Variants in HTR4 observed in about 807,000 individuals in gnomAD.
HTR4 encodes the protein 5-hydroxytryptamine receptor 4.
In HTR4, 16 loss-of-function variants were observed where a neutral mutation model predicts 36.8. That is an observed-to-expected ratio of 0.43 (90% CI 0.29 to 0.66). The LOEUF is 0.66. Among genes scored for constraint, HTR4 ranks in the 30% least tolerant of loss-of-function variants. The pLI, the probability that HTR4 is intolerant of heterozygous loss-of-function variation, is 0.13. For missense variants in HTR4, 438 were observed against 490.9 expected, an observed-to-expected ratio of 0.89 and a Z score of 1.02; for synonymous variants, 189 against 185.1, an observed-to-expected ratio of 1.02 and a Z score of -0.17.
chr5:148,497,719 A>C (rs1756751923), intron 6 of HTR4, among the ~76,000 whole-genome samples: 2 of 152,244 alleles, frequency 1.3e-5, no homozygotes, highest in South Asian at 4.1e-4. Context: ...GGATGAGACA[A>C]GGACAAAGAG....
intron 5 of HTR4, among the ~76,000 whole-genome samples, chr5:148,466,904 G>A (rs1427046996): frequency 6.6e-6 from 1 of 152,070 alleles, no homozygotes; most frequent in East Asian, 1.9e-4. Context: ...AACTAACAAA[G>A]CTCTCTTAGT....
At chr5:148,568,675 C>T (rs1176055538) in intron 2 of HTR4, among the ~76,000 whole-genome samples, 1 of 152,108 alleles carries the variant, frequency 6.6e-6, no homozygotes, top group African/African-American at 2.4e-5. Context: ...TTTGAATTGA[C>T]AAGGGTGTGC....
chr5:148,566,602 G>A (rs572485250), intron 2 of HTR4, among the ~76,000 whole-genome samples: 45 of 152,250 alleles, frequency 3.0e-4, no homozygotes, highest in Admixed American at 7.9e-4. Context: ...GGAGCTCACA[G>A]AAAAGTTAAC....
chr5:148,540,771 G>T (rs892996519), intron 4 of HTR4, among the ~76,000 whole-genome samples: 4 of 152,010 alleles, frequency 2.6e-5, no homozygotes, highest in African/African-American at 7.3e-5. Flanking sequence ...GACAAGAGCA[G>T]AGGTGCAAGT....
intron 6 of HTR4, among the ~76,000 whole-genome samples, chr5:148,489,236 A>G (rs919050084): frequency 1.3e-5 from 2 of 152,232 alleles, no homozygotes; most frequent in Non-Finnish European, 2.9e-5. Flanking sequence ...CAATAATCCT[A>G]TCACATGGGT....
intron 5 of HTR4, among the ~76,000 whole-genome samples, chr5:148,458,579 T>C (rs575043818): frequency 6.6e-6 from 1 of 152,250 alleles, no homozygotes; most frequent in African/African-American, 2.4e-5. Flanking sequence ...GTCAGGGTTC[T>C]GTCACTGAGG....
downstream of HTR4, among the ~76,000 whole-genome samples, chr5:148,474,937 T>G (rs1755659688): frequency 6.6e-6 from 1 of 152,028 alleles, no homozygotes; most frequent in African/African-American, 2.4e-5. Context: ...TCCCAGCTAC[T>G]CGGGAGGCTG....
intron 6 of HTR4, chr5:148,484,480 T>G: frequency 8.6e-7 from 1 of 1,156,718 alleles, no homozygotes. Context: ...GCTTTAGTGT[T>G]TCTTGAAAAA....
At chr5:148,459,663 G>A (rs1755215400) in intron 5 of HTR4, among the ~76,000 whole-genome samples, 1 of 151,934 alleles carries the variant, frequency 6.6e-6, no homozygotes, top group Non-Finnish European at 1.5e-5. Flanking sequence ...TAGTGTGCCT[G>A]TTTACTAAAG....
Position 148,572,423 on chromosome 5 carries a change from C to T in HTR4, c.27-22161G>A, listed in dbSNP as rs552366546. On this transcript the variant is annotated intron_variant, in intron 2 of 6. Coordinates refer to ENST00000377888, the MANE Select transcript of HTR4 (RefSeq NM_000870.7). The stretch of plus-strand genomic sequence containing the variant: ...ATAGTCCAGAACAGGATATCTTAAT[C>T]CCTATGATAGACAAATGTAATAATA... 7.2e-5 allele frequency among the ~76,000 whole-genome samples: 11 copies of T among 152,134 alleles called. No individual in the cohort carries two copies. In the South Asian group the frequency reaches 1.7e-3, roughly 23 times the overall value.
At chr5:148,502,194 G>T (rs1339790342) in intron 6 of HTR4, among the ~76,000 whole-genome samples, 1 of 152,302 alleles carries the variant, frequency 6.6e-6, no homozygotes, top group Non-Finnish European at 1.5e-5. Flanking sequence ...TGGACAGACT[G>T]CCTCCTCAAG....
At chr5:148,597,519 CT>C (rs1329335023) in intron 2 of HTR4, among the ~76,000 whole-genome samples, 1 of 152,148 alleles carries the variant, frequency 6.6e-6, no homozygotes, top group Admixed American at 6.5e-5. Flanking sequence ...CTCCTTACCT[CT>C]TACCACTGTG....
chr5:148,572,240 T>C (rs1189592079), intron 2 of HTR4, among the ~76,000 whole-genome samples: 3 of 152,102 alleles, frequency 2.0e-5, no homozygotes, highest in Non-Finnish European at 4.4e-5. Context: ...AGTGCTACTA[T>C]ATGCCAGAAA....
At chr5:148,536,236 G>C (rs1758819147) in intron 4 of HTR4, among the ~76,000 whole-genome samples, 1 of 152,028 alleles carries the variant, frequency 6.6e-6, no homozygotes, top group Admixed American at 6.6e-5. Flanking sequence ...CTTGAAAGGA[G>C]CACTAAATAT....
chr5:148,459,879 C>T (rs1363659170), intron 5 of HTR4, among the ~76,000 whole-genome samples: 3 of 152,010 alleles, frequency 2.0e-5, no homozygotes, highest in African/African-American at 7.2e-5. Flanking sequence ...GATTAATATG[C>T]TAAGGGTCTA....
At chr5:148,454,725 G>A (rs1191528645) in intron 5 of HTR4, among the ~76,000 whole-genome samples, 1 of 152,166 alleles carries the variant, frequency 6.6e-6, no homozygotes, top group Non-Finnish European at 1.5e-5. Flanking sequence ...TGCTCTGCAG[G>A]CCAGGCAAGG....
At chr5:148,502,417 A>T (rs983128086) in intron 6 of HTR4, among the ~76,000 whole-genome samples, 4 of 152,234 alleles carry the variant, frequency 2.6e-5, no homozygotes, top group Non-Finnish European at 4.4e-5. Context: ...GCAAACTCCA[A>T]CAGACCAGCA....
chr5:148,632,298 G>A (rs576846580), intron 2 of HTR4, among the ~76,000 whole-genome samples: 1 of 152,200 alleles, frequency 6.6e-6, no homozygotes, highest in Admixed American at 6.5e-5. Context: ...CTAGCAAAGG[G>A]CGGAAAATGC....
intron 2 of HTR4, among the ~76,000 whole-genome samples, chr5:148,613,252 C>G (rs1368114658): frequency 6.9e-6 from 1 of 144,498 alleles, no homozygotes; most frequent in Non-Finnish European, 1.5e-5. Flanking sequence ...GACCAATATC[C>G]TTGATGAACA....
Sources: allele counts gnomAD v4.1 joint callset (sites outside exome capture counted in the v4.1 genomes callset), GRCh38; gene constraint gnomAD v4.1.1; transcripts MANE v1.5; gene names NCBI Gene and HGNC (gene_info 2026-07-23, HGNC 2026-07-21).